NAPA: variants seen among roughly 807,000 people sequenced by gnomAD.
The protein encoded by NAPA is NSF attachment protein alpha, also known as alpha-soluble NSF attachment protein.
NAPA carries 18 observed loss-of-function variants against 48.0 expected under a neutral mutation model. The ratio of observed to expected loss-of-function variants is 0.38; its 90% CI spans 0.26 to 0.56. NAPA has a LOEUF of 0.56. Ranked by LOEUF, NAPA falls within the 20% of genes least tolerant of loss-of-function variation. The probability of loss-of-function intolerance (pLI) is 0.77; values close to 1 mark genes in which losing one functional copy is unlikely to be tolerated. For synonymous variants in NAPA, 152 were observed against 149.9 expected (o/e 1.01, Z -0.10); for missense variants, 315 against 385.0 (o/e 0.82, Z 1.52).
chr19:47,498,946 C>G (rs1568467285), intron 3 of NAPA, among the ~76,000 whole-genome samples: 1 of 152,224 alleles, frequency 6.6e-6, no homozygotes, highest in African/African-American at 2.4e-5. Flanking sequence ...TGCCCCCTTT[C>G]TTCCTTGAAA....
chr19:47,487,458 A>G (rs1568461095), downstream of NAPA, among the ~76,000 whole-genome samples: 1 of 152,066 alleles, frequency 6.6e-6, no homozygotes, highest in Non-Finnish European at 1.5e-5. Flanking sequence ...GCTCCTCCCC[A>G]GGCCCACCGT....
At chr19:47,510,067 C>A (rs1332207520) in intron 1 of NAPA, among the ~76,000 whole-genome samples, 1 of 152,252 alleles carries the variant, frequency 6.6e-6, no homozygotes, top group Non-Finnish European at 1.5e-5. Flanking sequence ...AGACTCCACT[C>A]TGAGACTGGG....
chr19:47,514,746 C>G, intron 1 of NAPA, 97 bp downstream of exon 1: 1 of 1,188,460 alleles, frequency 8.4e-7, no homozygotes, highest in Non-Finnish European at 1.2e-6. Flanking sequence ...TCCGTCCCCT[C>G]GGCCCGAGCT....
chr19:47,513,654 G>C (rs1278448228), intron 1 of NAPA, among the ~76,000 whole-genome samples: 2 of 151,744 alleles, frequency 1.3e-5, no homozygotes, highest in African/African-American at 2.4e-5. Flanking sequence ...CCTCTTCTCA[G>C]CATGTCTCTG....
chr19:47,493,803 G>A lies in NAPA; in HGVS notation c.343-310C>T, dbSNP rs987883149. On this transcript the variant is annotated intron_variant, in intron 4 of 10. Transcript: ENST00000263354. This position sits in a 1 kb window ranked among gnomAD's most constrained non-coding sequence, Gnocchi z 6.4. ...GTGACACCAGAGAGAATGTGAGCAC[G>A]AGCACTTGGCCAAGGCCCTGGCCCT... Among the ~76,000 whole-genome samples the A allele has an allele frequency of 5.3e-5, 8 of 152,208 alleles. No individual in the cohort carries two copies. Among genetic ancestry groups the A allele is most frequent in the East Asian group, 3.9e-4 (2 of 5,190 alleles).
intron 8 of NAPA, chr19:47,491,315 C>A (rs530342785): frequency 6.1e-6 from 1 of 164,182 alleles, no homozygotes; most frequent in African/African-American, 2.4e-5. Context: ...CCTGGTCTGA[C>A]AAAGCCCAAG....
At chr19:47,503,313 GCATA>G (rs1378683791) in intron 2 of NAPA, 106 bp downstream of exon 2, 8 of 955,180 alleles carry the variant, frequency 8.4e-6, no homozygotes, top group Non-Finnish European at 1.4e-5. Flanking sequence ...GCCGGAGAGG[GCATA>G]CAAAGAGAAA....
chr19:47,496,998 A>G, intron 3 of NAPA: 1 of 334,614 alleles, frequency 3.0e-6, no homozygotes, highest in Non-Finnish European at 6.2e-6. Flanking sequence ...CGGTGGCAAA[A>G]AGGGGGCAGA....
chr19:47,489,331 C>T (rs1286537678), intron 10 of NAPA: 2 of 249,492 alleles, frequency 8.0e-6, no homozygotes, highest in East Asian at 1.6e-4. Context: ...CCTTCTCACC[C>T]CTTCCCTCCC....
At chr19:47,511,833 C>T (rs899864206) in intron 1 of NAPA, among the ~76,000 whole-genome samples, 1 of 152,200 alleles carries the variant, frequency 6.6e-6, no homozygotes, top group African/African-American at 2.4e-5. Context: ...CACTTAATAA[C>T]CAGCATCTGC....
At chr19:47,484,976 A>G (rs1034155315), downstream of NAPA, among the ~76,000 whole-genome samples, 10 of 152,192 alleles carry the variant, frequency 6.6e-5, no homozygotes, top group Admixed American at 6.5e-4. Context: ...CTAGGATTAT[A>G]GGCGTGAGCC....
At chr19:47,512,340 C>A (rs1276636428) in intron 1 of NAPA, among the ~76,000 whole-genome samples, 1 of 152,168 alleles carries the variant, frequency 6.6e-6, no homozygotes, top group Admixed American at 6.5e-5. Flanking sequence ...GCTCACTCCT[C>A]ACCAAGAGCC....
intron 1 of NAPA, among the ~76,000 whole-genome samples, chr19:47,505,967 C>A (rs1032369735): frequency 6.6e-6 from 1 of 151,618 alleles, no homozygotes; most frequent in Non-Finnish European, 1.5e-5. Flanking sequence ...CAGCCCAACA[C>A]ACCTTGGGCC....
At chr19:47,495,856 C>T (rs1968409898) in intron 3 of NAPA, 1 of 499,984 alleles carries the variant, frequency 2.0e-6, no homozygotes, top group South Asian at 2.1e-5. Flanking sequence ...CCCTTCTCTC[C>T]TCGGGCTGCC....
intron 3 of NAPA, among the ~76,000 whole-genome samples, chr19:47,497,703 C>T (rs1335661563): frequency 6.6e-6 from 1 of 152,270 alleles, no homozygotes; most frequent in African/African-American, 2.4e-5. Context: ...CAGCGACGCC[C>T]AACCTGACTT....
At chr19:47,486,608 T>C (rs79835372), downstream of NAPA, among the ~76,000 whole-genome samples, 827 of 152,262 alleles carry the variant, frequency 5.4e-3, 5 homozygotes, top group Non-Finnish European at 9.4e-3. Context: ...GCCCCAAGTC[T>C]GGATACTTTT....
Position 47,490,372 on chromosome 19 carries a change from TGTAGTGTGTGTGG to T in NAPA, c.735+403_735+415del, listed in dbSNP as rs928393233. On this transcript the variant is annotated intron_variant, in intron 9 of 10. Transcript: ENST00000263354. The stretch of plus-strand genomic sequence containing the variant: ...ATGTGTTTGCTGTGTGTGGTGTGTG[TGTAGTGTGTGTGG>T]GGTGTGTGGGGTGGTGTGTGTGTAG... 3.2e-4 allele frequency among the ~76,000 whole-genome samples: 47 copies of T among 146,548 alleles called. 1 individual carries two copies. In the South Asian group the frequency reaches 0.01, roughly 32 times the overall value.
intron 3 of NAPA, among the ~76,000 whole-genome samples, chr19:47,498,734 C>G (rs764392860): frequency 1.3e-4 from 20 of 152,214 alleles, no homozygotes; most frequent in Non-Finnish European, 2.6e-4. Context: ...TGAGGCCTGA[C>G]TAGCCTCAGA....
intron 8 of NAPA, 48 bp from the exon 9 acceptor site, chr19:47,490,904 C>T (rs1183664654): frequency 1.3e-6 from 2 of 1,558,704 alleles, no homozygotes; most frequent in African/African-American, 1.4e-5. Context: ...AGAGGGTCCT[C>T]AGAGCTACTG....
Sources: allele counts gnomAD v4.1 joint callset (sites outside exome capture counted in the v4.1 genomes callset), GRCh38; gene constraint gnomAD v4.1.1; non-coding constraint Gnocchi (gnomAD v3.1); transcripts MANE v1.5; gene names NCBI Gene and HGNC (gene_info 2026-07-23, HGNC 2026-07-21).